MBNL3: variants seen among roughly 807,000 people sequenced by gnomAD.
The protein encoded by MBNL3 is muscleblind-like protein 3.
A neutral mutation model predicts 24.5 loss-of-function variants in MBNL3; 6 were observed. The ratio of observed to expected loss-of-function variants is 0.25; its 90% confidence interval spans 0.13 to 0.48. The LOEUF is 0.48. Ranked by LOEUF, MBNL3 falls within the 20% of genes least tolerant of loss-of-function variation. The probability of loss-of-function intolerance (pLI) is 0.99; values close to 1 mark genes in which losing one functional copy is unlikely to be tolerated. For missense variants in MBNL3, 230 were observed against 293.5 expected (o/e 0.78, Z 1.58); for synonymous variants, 100 against 101.7 (o/e 0.98, Z 0.10).
At chrX:132,489,491 G>A (rs1948179307), upstream of MBNL3, among the ~76,000 whole-genome samples, 1 of 111,127 alleles carries the variant, frequency 9.0e-6, no homozygotes, top group Non-Finnish European at 1.9e-5. Context: ...TCCCAACCCC[G>A]CCCGGCCTTT....
At chrX:132,464,441 T>A (rs948705385) in intron 1 of MBNL3, among the ~76,000 whole-genome samples, 1 of 112,088 alleles carries the variant, frequency 8.9e-6, no homozygotes, top group Non-Finnish European at 1.9e-5. Flanking sequence ...TGATGCTAAG[T>A]TAAAATCAAG....
intron 3 of MBNL3, among the ~76,000 whole-genome samples, chrX:132,397,235 C>T (rs956550634): frequency 6.4e-5 from 7 of 109,017 alleles, no homozygotes; most frequent in Admixed American, 5.0e-4. Context: ...GATTCTGAGG[C>T]AATGCAATTC....
At chrX:132,469,379 T>C in intron 1 of MBNL3, among the ~76,000 whole-genome samples, 1 of 112,685 alleles carries the variant, frequency 8.9e-6, no homozygotes, top group South Asian at 3.6e-4. Context: ...ACATCTGTCA[T>C]ATGGAAGACA....
intron 5 of MBNL3, among the ~76,000 whole-genome samples, chrX:132,389,998 G>C (rs1009283820): frequency 2.7e-5 from 3 of 109,244 alleles, no homozygotes; most frequent in Non-Finnish European, 3.8e-5. Context: ...TTCAAGACCA[G>C]CCTGGCCAAC....
chrX:132,401,676 G>T (rs897228317), intron 3 of MBNL3, among the ~76,000 whole-genome samples: 2 of 109,380 alleles, frequency 1.8e-5, no homozygotes, highest in Non-Finnish European at 1.9e-5. Context: ...ACTTAAAATT[G>T]TTCTAGTCCT....
intron 2 of MBNL3, among the ~76,000 whole-genome samples, chrX:132,422,212 A>G (rs1009846522): frequency 9.0e-6 from 1 of 110,505 alleles, no homozygotes; most frequent in African/African-American, 3.3e-5. Flanking sequence ...TTGAAGGTCC[A>G]TGTGTGGCAG....
rs1934466304 is a variant in MBNL3 at position 132,379,566 on chromosome X, C to CT, written c.*99dup. 5 of 882,464 alleles carry CT rather than the reference C, an allele frequency of 5.7e-6. No individual in the cohort carries two copies. In the African/African-American group the frequency reaches 8.2e-5, roughly 15 times the overall value. The allele number at this position is 882,464 out of a possible 1,213,427, so 72.7% of individuals were successfully genotyped here. ...TGCTTAATACATTGACTGCAACACG[C>CT]TTATTGTTGTGTTGGTAGAATAAGA... On this transcript the variant is annotated 3_prime_UTR_variant, in exon 9 of 9. Transcript: ENST00000370853.
rs981941586 is a variant in MBNL3 at position 132,374,533 on chromosome X, A to G, written c.*5133T>C. ...TTTAGTTAAGTCTTAGAGCAAAAAC[A>G]CCCTCCTTTTCAAAGCCTTAGAAAT... On this transcript the variant is annotated 3_prime_UTR_variant, in exon 9 of 9. Transcript: ENST00000370853. 1 of 110,649 alleles carries G rather than the reference A, an allele frequency of 9.0e-6. No individual in the cohort carries two copies. The highest frequency in any genetic ancestry group is 9.6e-5 in the Admixed American group (1 of 10,380). 9.1% of individuals were successfully genotyped at this position (110,649 alleles called of 1,213,427 possible).
chrX:132,473,575 A>C (rs1174199257), intron 1 of MBNL3, among the ~76,000 whole-genome samples: 1 of 111,388 alleles, frequency 9.0e-6, no homozygotes, highest in Non-Finnish European at 1.9e-5. Context: ...ATGCAGCATA[A>C]AAAGCTAAAA....
At chrX:132,486,205 A>C (rs766022939) in intron 1 of MBNL3, among the ~76,000 whole-genome samples, 6 of 112,011 alleles carry the variant, frequency 5.4e-5, no homozygotes, top group Non-Finnish European at 9.4e-5. Context: ...AAGCAGAATA[A>C]AAGTAAAATG....
At chrX:132,464,747 T>TA (rs1337776942) in intron 1 of MBNL3, among the ~76,000 whole-genome samples, 1 of 111,867 alleles carries the variant, frequency 8.9e-6, no homozygotes, top group Non-Finnish European at 1.9e-5. Context: ...GAGCTTGTTT[T>TA]AAAAACCATC....
At chrX:132,392,472 T>C (rs190696481) in intron 3 of MBNL3, 138 bp from the exon 4 acceptor site, 321 of 532,185 alleles carry the variant, frequency 6.0e-4, no homozygotes, top group Non-Finnish European at 8.0e-5. Context: ...GATTTATTTT[T>C]AGCCTCATAC....
intron 1 of MBNL3, among the ~76,000 whole-genome samples, chrX:132,480,216 TAAAGGC>T (rs1947658297): frequency 8.9e-6 from 1 of 111,901 alleles, no homozygotes; most frequent in South Asian, 3.7e-4. Flanking sequence ...GTACTTCCAC[TAAAGGC>T]AAAGCACTCT....
chrX:132,424,031 G>T (rs1400150017), intron 2 of MBNL3, among the ~76,000 whole-genome samples: 1 of 111,726 alleles, frequency 9.0e-6, no homozygotes, highest in Non-Finnish European at 1.9e-5. Context: ...TGTAAAGACT[G>T]ATATAATGGG....
chrX:132,375,575 T>G lies in MBNL3; in HGVS notation c.*4091A>C, dbSNP rs1934063196. The G allele has an allele frequency of 9.0e-6, 1 of 111,486 alleles. No homozygotes were observed. Among genetic ancestry groups the G allele is most frequent in the East Asian group, 2.8e-4 (1 of 3,580 alleles). 9.2% of individuals were successfully genotyped at this position (111,486 alleles called of 1,213,427 possible). On this transcript the variant is annotated 3_prime_UTR_variant, in exon 9 of 9. Coordinates refer to ENST00000370853, the MANE Select transcript of MBNL3 (RefSeq NM_001386889.1). The stretch of plus-strand genomic sequence containing the variant: ...AGTTTGATTAGGCTAGTAACTAAAT[T>G]TACAAAAAAAGTTGTTATACTCTTG...
In MBNL3 at chrX:132,391,964, A is replaced by G. The variant is rs771274181; in HGVS notation, c.534+179T>C. On this transcript the variant is annotated intron_variant, in intron 4 of 8. Transcript: ENST00000370853. ...TAACATATTGTTTGACCTACCATAC[A>G]GGTGAATCAATGCACTTTATAACAA... is the stretch of plus-strand genomic sequence containing the variant. 2.1e-3 allele frequency among the ~76,000 whole-genome samples: 237 copies of G among 112,118 alleles called. 2 individuals carry two copies. Among genetic ancestry groups the G allele is most frequent in the African/African-American group, 7.0e-3 (215 of 30,930 alleles).
intron 2 of MBNL3, among the ~76,000 whole-genome samples, chrX:132,434,501 G>C (rs1322444483): frequency 8.9e-6 from 1 of 112,075 alleles, no homozygotes; most frequent in Non-Finnish European, 1.9e-5. Flanking sequence ...TGTTACAGTG[G>C]AGAAATCCAG....
intron 1 of MBNL3, among the ~76,000 whole-genome samples, chrX:132,483,198 C>G (rs760243166): frequency 1.2e-4 from 13 of 111,736 alleles, no homozygotes; most frequent in Non-Finnish European, 2.3e-4. Context: ...ATCAATGTAC[C>G]CTTTAACAAA....
chrX:132,456,943 A>G (rs999247375), intron 1 of MBNL3, among the ~76,000 whole-genome samples: 5 of 111,768 alleles, frequency 4.5e-5, no homozygotes, highest in African/African-American at 1.6e-4. Flanking sequence ...AAATCTGGCA[A>G]CCAGCTGGCA....
Sources: allele counts gnomAD v4.1 joint callset (sites outside exome capture counted in the v4.1 genomes callset), GRCh38; gene constraint gnomAD v4.1.1; transcripts MANE v1.5; gene names NCBI Gene and HGNC (gene_info 2026-07-23, HGNC 2026-07-21).